PVT1: variants seen among roughly 807,000 people sequenced by gnomAD.
The protein encoded by PVT1 is CXCR4/PVT1 fusion.
chr8:127,917,468 T>C (rs1249685258), intron 3 of PVT1, among the ~76,000 whole-genome samples: 1 of 152,206 alleles, frequency 6.6e-6, no homozygotes, highest in Non-Finnish European at 1.5e-5. Flanking sequence ...GCCTGGATCC[T>C]GTGATGACCC....
chr8:127,922,852 C>T (rs1816079456), intron 3 of PVT1, among the ~76,000 whole-genome samples: 1 of 152,212 alleles, frequency 6.6e-6, no homozygotes, highest in South Asian at 2.1e-4. Flanking sequence ...TTACCGGATG[C>T]AGCTGGCAGG....
intron 3 of PVT1, among the ~76,000 whole-genome samples, chr8:127,982,597 C>T (rs1252486128): frequency 6.6e-6 from 1 of 151,776 alleles, no homozygotes. Context: ...ATGGCTTGAG[C>T]TCAAGAGTTC....
chr8:127,957,579 A>G (rs949195679), intron 3 of PVT1, among the ~76,000 whole-genome samples: 14 of 151,260 alleles, frequency 9.3e-5, no homozygotes, highest in Admixed American at 3.9e-4. Context: ...AAAAAAAAAA[A>G]AAAAAAAGAA....
chr8:128,101,032 C>G (rs1814496982), intron 6 of PVT1: 2 of 152,208 alleles, frequency 1.3e-5, no homozygotes, highest in African/African-American at 4.8e-5. Context: ...TGGCTCCACC[C>G]AGAAGCAATT....
intron 3 of PVT1, among the ~76,000 whole-genome samples, chr8:127,926,255 A>C (rs1340318901): frequency 6.6e-6 from 1 of 152,202 alleles, no homozygotes; most frequent in Non-Finnish European, 1.5e-5. Flanking sequence ...ATGTTAAAAA[A>C]TGGGGGCTGT....
intron 3 of PVT1, among the ~76,000 whole-genome samples, chr8:127,924,335 T>TTTTG (rs906024336): frequency 4.6e-5 from 7 of 152,124 alleles, no homozygotes; most frequent in African/African-American, 1.2e-4. Flanking sequence ...ACACAATTTT[T>TTTTG]TTTGTTTGTT....
intron 2 of PVT1, among the ~76,000 whole-genome samples, chr8:127,814,023 T>C (rs1814632316): frequency 6.6e-6 from 1 of 152,194 alleles, no homozygotes; most frequent in African/African-American, 2.4e-5. Context: ...TCTCAGGTGA[T>C]CCACCCGCCT....
At chr8:127,849,948 A>G (rs34114497) in intron 2 of PVT1, among the ~76,000 whole-genome samples, 2 of 67,430 alleles carry the variant, frequency 3.0e-5, no homozygotes, top group Non-Finnish European at 8.0e-5. Context: ...GCCTGTACAT[A>G]TGTGTGTGTG....
At chr8:127,855,049 C>T (rs1468012207) in intron 2 of PVT1, 2 of 396,988 alleles carry the variant, frequency 5.0e-6, no homozygotes, top group African/African-American at 2.1e-5. Flanking sequence ...TGACCCCAGA[C>T]CTGTCTGACT....
chr8:127,952,821 A>G (rs1490836692), intron 3 of PVT1, among the ~76,000 whole-genome samples: 10 of 151,722 alleles, frequency 6.6e-5, no homozygotes, highest in South Asian at 4.2e-4. Context: ...CTGGAGTGCA[A>G]AGGCGCGATC....
chr8:128,014,567 C>T (rs540568183), intron 4 of PVT1, among the ~76,000 whole-genome samples: 2 of 152,192 alleles, frequency 1.3e-5, no homozygotes, highest in East Asian at 1.9e-4. Context: ...CGTGTCTGGC[C>T]GTGGGCGGTG....
At chr8:128,030,843 G>T (rs1813379467) in intron 4 of PVT1, among the ~76,000 whole-genome samples, 1 of 152,178 alleles carries the variant, frequency 6.6e-6, no homozygotes, top group Non-Finnish European at 1.5e-5. Flanking sequence ...TACCCCTCAA[G>T]TCCAGGACCA....
chr8:127,844,999 T>G (rs539195169), intron 2 of PVT1, among the ~76,000 whole-genome samples: 1 of 152,240 alleles, frequency 6.6e-6, no homozygotes, highest in East Asian at 1.9e-4. Flanking sequence ...AGGCGTGAGC[T>G]ACCACGCCCG....
intron 3 of PVT1, among the ~76,000 whole-genome samples, chr8:127,972,580 A>T (rs1475150721): frequency 6.6e-6 from 1 of 152,116 alleles, no homozygotes. Flanking sequence ...TCTACTAAAA[A>T]TACAAAATAT....
At chr8:127,812,198 CGGAGGAA>C (rs1814602656) in intron 2 of PVT1, among the ~76,000 whole-genome samples, 1 of 110,810 alleles carries the variant, frequency 9.0e-6, no homozygotes, top group African/African-American at 4.1e-5. Context: ...GAGGGAGGGA[CGGAGGAA>C]GGAGGAAAGG....
At chr8:127,944,240 A>G (rs1445130243) in intron 3 of PVT1, among the ~76,000 whole-genome samples, 1 of 152,172 alleles carries the variant, frequency 6.6e-6, no homozygotes, top group Non-Finnish European at 1.5e-5. Context: ...GGCATGAGCC[A>G]TTACACCTGG....
intron 3 of PVT1, among the ~76,000 whole-genome samples, chr8:127,960,957 G>A (rs1398389866): frequency 4.1e-5 from 5 of 122,926 alleles, no homozygotes; most frequent in South Asian, 3.1e-4. Context: ...GGGGGCGGGC[G>A]GGCACGAATA....
At chr8:128,090,824 G>A (rs2130167414) in intron 5 of PVT1, among the ~76,000 whole-genome samples, 1 of 152,220 alleles carries the variant, frequency 6.6e-6, no homozygotes, top group African/African-American at 2.4e-5. Context: ...GCTAAGATCT[G>A]ATTCCACATA....
At chr8:127,826,384 A>G (rs1402374638) in intron 2 of PVT1, among the ~76,000 whole-genome samples, 3 of 152,110 alleles carry the variant, frequency 2.0e-5, no homozygotes, top group Non-Finnish European at 4.4e-5. Context: ...AGTGGAGTCC[A>G]CCAGACCTGA....
Sources: allele counts gnomAD v4.1 joint callset (sites outside exome capture counted in the v4.1 genomes callset), GRCh38; gene constraint gnomAD v4.1.1; transcripts MANE v1.5; gene names NCBI Gene and HGNC (gene_info 2026-07-23, HGNC 2026-07-21).